The following ITPKB variants were observed in gnomAD, a reference collection of about 807,000 sequenced individuals.
ITPKB encodes IP3 3-kinase B.
Under a neutral mutation model 69.4 loss-of-function variants are expected in ITPKB, and 13 were observed. The observed-to-expected ratio is 0.19, with a 90% confidence interval of 0.12 to 0.30. ITPKB has a LOEUF of 0.30. ITPKB is among the 10% of genes least tolerant of loss of function. ITPKB has a pLI of 1.00. For missense variants in ITPKB, 1,240 were observed against 1,250.5 expected (o/e 0.99, Z 0.13); for synonymous variants, 584 against 513.7 (o/e 1.14, Z -1.85).
Position 226,731,463 on chromosome 1 carries a change from C to T in ITPKB, c.1932+4064G>A, listed in dbSNP as rs1450421232. ...AAGTGCCCAGTTTTGGCCTCAGTGCCGGAAACCCACACCTAAGAAGTCTTG... is the reference window on the plus strand; with the variant it reads ...AAGTGCCCAGTTTTGGCCTCAGTGCTGGAAACCCACACCTAAGAAGTCTTG... On this transcript the variant is annotated intron_variant, in intron 2 of 7. Coordinates refer to ENST00000429204, the MANE Select transcript of ITPKB (RefSeq NM_002221.4). Among the ~76,000 whole-genome samples the T allele has an allele frequency of 3.9e-5, 6 of 152,266 alleles. No homozygotes were observed. In the East Asian group the frequency reaches 5.8e-4, roughly 15 times the overall value.
intron 7 of ITPKB, among the ~76,000 whole-genome samples, chr1:226,636,655 G>A (rs1320412487): frequency 1.3e-5 from 2 of 152,190 alleles, no homozygotes; most frequent in Non-Finnish European, 2.9e-5. Flanking sequence ...TACGAGAGGG[G>A]CTGCTTTCCT....
chr1:226,692,892 C>T (rs1425525645), intron 2 of ITPKB, among the ~76,000 whole-genome samples: 3 of 152,216 alleles, frequency 2.0e-5, no homozygotes, highest in Non-Finnish European at 4.4e-5. Flanking sequence ...CTCCTCCTTT[C>T]CTGACAAGAG....
intron 1 of ITPKB, among the ~76,000 whole-genome samples, chr1:226,737,992 T>C (rs188234799): frequency 2.6e-5 from 4 of 152,274 alleles, no homozygotes; most frequent in African/African-American, 9.6e-5. Flanking sequence ...AAGTATGCTG[T>C]GTGCGGGGCG....
Position 226,641,878 on chromosome 1 carries a change from G to A in ITPKB, c.2451+43C>T. ...GAGAGAAGCCAAGCCCCCTGAGGTG[G>A]GCACGGGTGGGGCCCGAGGCTGCCC... On this transcript the variant is annotated intron_variant, in intron 5 of 7. Coordinates refer to ENST00000429204, the MANE Select transcript of ITPKB (RefSeq NM_002221.4). This position sits in a 1 kb window ranked among gnomAD's most constrained non-coding sequence, Gnocchi z 4.6. 3.2e-6 allele frequency: 5 copies of A among 1,565,656 alleles called. No homozygotes were observed. In the South Asian group the frequency reaches 3.4e-5, roughly 11 times the overall value.
intron 2 of ITPKB, among the ~76,000 whole-genome samples, chr1:226,655,856 T>G (rs764215101): frequency 1.3e-5 from 2 of 152,218 alleles, no homozygotes; most frequent in African/African-American, 2.4e-5. Context: ...CAGACACTTG[T>G]ATGTCGTGAG....
intron 2 of ITPKB, among the ~76,000 whole-genome samples, chr1:226,710,674 T>C (rs1446148095): frequency 6.6e-6 from 1 of 152,224 alleles, no homozygotes; most frequent in Non-Finnish European, 1.5e-5. Flanking sequence ...ACGCTTGGTA[T>C]TTGGATCTGG....
Position 226,641,816 on chromosome 1 carries a change from C to T in ITPKB, c.2451+105G>A, listed in dbSNP as rs1668967749. The T allele has an allele frequency of 9.4e-7, 1 of 1,063,482 alleles. No homozygotes were observed. The highest frequency in any genetic ancestry group is 1.4e-6 in the Non-Finnish European group (1 of 726,210). 65.9% of individuals were successfully genotyped at this position (1,063,482 alleles called of 1,614,324 possible). On this transcript the variant is annotated intron_variant, in intron 5 of 7. Transcript: ENST00000429204. This position sits in a 1 kb window ranked among gnomAD's most constrained non-coding sequence, Gnocchi z 4.6. ...GGGGCGGGCCACCCACATTCTGAGC[C>T]TGTGCCTGGAGAAGCTTACAGCTTC...
At chr1:226,646,347 G>T (rs144174719) in intron 4 of ITPKB, among the ~76,000 whole-genome samples, 24 of 152,328 alleles carry the variant, frequency 1.6e-4, no homozygotes, top group African/African-American at 5.8e-4. Flanking sequence ...CAGGGTGGAA[G>T]GGCAGCAGTT....
intron 2 of ITPKB, among the ~76,000 whole-genome samples, chr1:226,711,442 A>AGAGAGAGAGAGAGTGTGT (rs1491474441): frequency 9.8e-6 from 1 of 102,292 alleles, no homozygotes; most frequent in African/African-American, 4.1e-5. Context: ...AGAGAGAGAG[A>AGAGAGAGAGAGAGTGTGT]GTGTGTGTGT....
Position 226,736,500 on chromosome 1 carries a change from T to G in ITPKB, c.959A>C (p.Asp320Ala), listed in dbSNP as rs35957083. Residue 320 changes from aspartate (D) to alanine (A), a missense_variant, in exon 2 of 8, where the codon GAT (aspartate) becomes GCT (alanine). Coordinates refer to ENST00000429204, the MANE Select transcript of ITPKB (RefSeq NM_002221.4). ...VTSTGPHRPQ[D>A]LALTEPSGRA... ...CCCAGACGGCTCAGTGAGGGCAAGATCCTGTGGACGGTGTGGCCCAGTGGA... is the reference window on the plus strand; with the variant it reads ...CCCAGACGGCTCAGTGAGGGCAAGAGCCTGTGGACGGTGTGGCCCAGTGGA... The G allele has an allele frequency of 1.0e-3, 1,669 of 1,614,016 alleles. 21 individuals are homozygous for G. The African/African-American group carries it at 0.021, about 20-fold the overall frequency.
chr1:226,654,375 A>G (rs1386461801), intron 2 of ITPKB, among the ~76,000 whole-genome samples: 1 of 152,142 alleles, frequency 6.6e-6, no homozygotes, highest in Non-Finnish European at 1.5e-5. Context: ...TCTGCTCCCC[A>G]CGTCACCTGG....
chr1:226,728,292 G>A (rs962103192), intron 2 of ITPKB, among the ~76,000 whole-genome samples: 2 of 152,128 alleles, frequency 1.3e-5, no homozygotes, highest in South Asian at 2.1e-4. Flanking sequence ...TGTTGAATGG[G>A]TTTCTACTAA....
intron 2 of ITPKB, among the ~76,000 whole-genome samples, chr1:226,690,489 C>T (rs1656322339): frequency 6.6e-6 from 1 of 151,918 alleles, no homozygotes; most frequent in South Asian, 2.1e-4. Flanking sequence ...GCAGTAAACA[C>T]ACTCTCCAGG....
At chr1:226,640,088 C>T (rs1668927411) in intron 5 of ITPKB, among the ~76,000 whole-genome samples, 1 of 152,204 alleles carries the variant, frequency 6.6e-6, no homozygotes, top group African/African-American at 2.4e-5. Context: ...CACCTCCCCT[C>T]AGCACAGGGA....
chr1:226,718,792 A>G (rs1020589521), intron 2 of ITPKB, among the ~76,000 whole-genome samples: 3 of 152,228 alleles, frequency 2.0e-5, no homozygotes, highest in African/African-American at 7.2e-5. Flanking sequence ...GCCACTCTGG[A>G]GAGCAGTGTG....
intron 2 of ITPKB, among the ~76,000 whole-genome samples, chr1:226,662,388 G>C (rs1669418841): frequency 6.6e-6 from 1 of 152,222 alleles, no homozygotes; most frequent in African/African-American, 2.4e-5. Context: ...ACTTACTTCT[G>C]TGTGAACAGC....
chr1:226,659,859 T>C (rs1669367673), intron 2 of ITPKB, among the ~76,000 whole-genome samples: 1 of 152,132 alleles, frequency 6.6e-6, no homozygotes, highest in Admixed American at 6.5e-5. Flanking sequence ...TCCCCCAGGC[T>C]GCACAGCCGG....
intron 2 of ITPKB, among the ~76,000 whole-genome samples, chr1:226,683,752 C>T (rs1204950133): frequency 6.6e-6 from 1 of 152,112 alleles, no homozygotes; most frequent in Non-Finnish European, 1.5e-5. Flanking sequence ...CTCCTTTCTT[C>T]ATCTGAGAAA....
At chr1:226,711,882 C>A (rs1028228132) in intron 2 of ITPKB, among the ~76,000 whole-genome samples, 1 of 152,148 alleles carries the variant, frequency 6.6e-6, no homozygotes, top group African/African-American at 2.4e-5. Flanking sequence ...TGTTGGTCCC[C>A]AGCTCAGCTA....
Sources: gnomAD v4.1 joint callset for allele counts (sites outside exome capture counted in the v4.1 genomes callset) on GRCh38, gnomAD v4.1.1 for gene constraint, Gnocchi (gnomAD v3.1) non-coding constraint, MANE v1.5 for transcripts, NCBI Gene and HGNC (gene_info 2026-07-23, HGNC 2026-07-21) for gene names.